The following ARHGAP32 variants were observed in gnomAD, a reference collection of about 807,000 sequenced individuals.
The protein encoded by ARHGAP32 is rho GTPase-activating protein 32.
In ARHGAP32, 51 loss-of-function variants were observed where a neutral mutation model predicts 186.5. The ratio of observed to expected loss-of-function variants is 0.27; its 90% CI spans 0.22 to 0.35. The LOEUF (loss-of-function observed/expected upper bound fraction) is 0.35. Among genes scored for constraint, ARHGAP32 ranks in the 10% least tolerant of loss-of-function variants. The pLI, the probability that ARHGAP32 is intolerant of heterozygous loss-of-function variation, is 1.00. For missense variants in ARHGAP32, 2,186 were observed against 2,623.5 expected (o/e 0.83, Z 3.64); for synonymous variants, 950 against 964.3 (o/e 0.99, Z 0.27).
rs780008945 is a variant in ARHGAP32, at chr11:128,972,438, T to C, written c.4053+15A>G. The C allele has an allele frequency of 5.0e-5, 76 of 1,509,016 alleles. No individual in the cohort carries two copies. Among genetic ancestry groups the C allele is most frequent in the Middle Eastern group, 1.8e-4 (1 of 5,582 alleles). 93.5% of individuals were successfully genotyped at this position (1,509,016 alleles called of 1,614,324 possible). On this transcript the variant is annotated intron_variant, in intron 22 of 22. Transcript: ENST00000682385. ...AATAGTATATTTCATCTCACTGATA[T>C]CTTCCCCTTCTTACCTTGTGGGAAT...
At chr11:129,110,713 CTTCTT>C (rs1383604906) in intron 5 of ARHGAP32, among the ~76,000 whole-genome samples, 3 of 151,964 alleles carry the variant, frequency 2.0e-5, no homozygotes, top group East Asian at 1.9e-4. Flanking sequence ...CGATTGCCTT[CTTCTT>C]TTCATTTTCA....
At chr11:129,210,251 A>T (rs951056997) in intron 1 of ARHGAP32, among the ~76,000 whole-genome samples, 6 of 152,336 alleles carry the variant, frequency 3.9e-5, no homozygotes, top group African/African-American at 1.4e-4. Flanking sequence ...TTCCAAAGGG[A>T]GAAGAAACCT....
chr11:128,988,378 A>G (rs2136128369), intron 12 of ARHGAP32, among the ~76,000 whole-genome samples: 1 of 152,354 alleles, frequency 6.6e-6, no homozygotes, highest in East Asian at 1.9e-4. Flanking sequence ...AAGAGAGTTC[A>G]TACATTATTA....
At chr11:129,059,999 T>A (rs190629692) in intron 10 of ARHGAP32, among the ~76,000 whole-genome samples, 46 of 152,334 alleles carry the variant, frequency 3.0e-4, no homozygotes, top group African/African-American at 9.6e-4. Flanking sequence ...CAAATCAATC[T>A]TTGAAGTTAG....
At chr11:129,278,231 C>T (rs947793015) in intron 1 of ARHGAP32, among the ~76,000 whole-genome samples, 2 of 152,252 alleles carry the variant, frequency 1.3e-5, no homozygotes, top group Non-Finnish European at 2.9e-5. Flanking sequence ...TATGGCCCAG[C>T]TGCCAGCTAG....
chr11:129,224,225 G>A (rs747326283), intron 1 of ARHGAP32, among the ~76,000 whole-genome samples: 1 of 152,114 alleles, frequency 6.6e-6, no homozygotes. Context: ...TGGAATATAT[G>A]GCAAGAGATT....
At position 129,033,523 on chromosome 11, in the gene ARHGAP32, C is replaced by T. The variant is rs114536693; in HGVS notation, c.1045+7405G>A. On this transcript the variant is annotated intron_variant, in intron 11 of 22. Coordinates refer to ENST00000682385, the MANE Select transcript of ARHGAP32 (RefSeq NM_001378024.1). Reference sequence around the variant, plus strand: ...CTCTTTACAACTCCTTTGTCAGATACGCATTCTGCAAATATCTTCCCACAC... The same window carrying T: ...CTCTTTACAACTCCTTTGTCAGATATGCATTCTGCAAATATCTTCCCACAC... Among the ~76,000 whole-genome samples, 923 of 152,302 alleles carry T rather than the reference C, an allele frequency of 6.1e-3. 3 individuals are homozygous for T. Among genetic ancestry groups the T allele is most frequent in the African/African-American group, 0.02 (849 of 41,558 alleles).
chr11:129,258,452 T>C (rs978342192), intron 1 of ARHGAP32, among the ~76,000 whole-genome samples: 3 of 152,136 alleles, frequency 2.0e-5, no homozygotes, highest in Non-Finnish European at 4.4e-5. Flanking sequence ...CAGCAGTATG[T>C]GCCTGCCACG....
At chr11:129,219,080 G>A (rs922488097) in intron 1 of ARHGAP32, among the ~76,000 whole-genome samples, 1 of 152,174 alleles carries the variant, frequency 6.6e-6, no homozygotes, top group Admixed American at 6.5e-5. Flanking sequence ...ACCAGCCATT[G>A]GGCCACATTG....
chr11:129,123,360 TTAGA>T lies in ARHGAP32; in HGVS notation c.444+82_444+85del. On this transcript the variant is annotated intron_variant, in intron 5 of 22. Coordinates refer to ENST00000682385, the MANE Select transcript of ARHGAP32 (RefSeq NM_001378024.1). The surrounding 1 kb of genome is among the most constrained non-coding windows in gnomAD (Gnocchi z 4.6). Reference sequence around the variant, plus strand: ...AAAAACTACTTCAAAGTGTCATCTATTAGATACAGATATATAGATAAGCATCTAG... The same window carrying T: ...AAAAACTACTTCAAAGTGTCATCTATTACAGATATATAGATAAGCATCTAG... 1 of 1,129,152 alleles carries T rather than the reference TTAGA, an allele frequency of 8.9e-7. No individual in the cohort carries two copies. The highest frequency in any genetic ancestry group is 1.3e-6 in the Non-Finnish European group (1 of 780,628). The allele number at this position is 1,129,152 out of a possible 1,614,324, so 69.9% of individuals were successfully genotyped here. A position where few individuals can be genotyped will look rare whatever the true frequency, so the allele number is the denominator to read the frequency against.
chr11:129,102,680 A>G (rs1941935855), intron 5 of ARHGAP32, among the ~76,000 whole-genome samples: 2 of 152,190 alleles, frequency 1.3e-5, no homozygotes, highest in South Asian at 4.1e-4. Context: ...CACATACATA[A>G]GGACACCTAT....
intron 1 of ARHGAP32, among the ~76,000 whole-genome samples, chr11:129,277,086 A>C (rs539105540): frequency 3.9e-5 from 6 of 152,368 alleles, no homozygotes; most frequent in African/African-American, 1.4e-4. Context: ...AAGAAAACAG[A>C]TGCCTAGTCC....
intron 10 of ARHGAP32, among the ~76,000 whole-genome samples, chr11:129,060,362 T>TAGATA (rs1555082375): frequency 1.3e-5 from 2 of 148,456 alleles, no homozygotes; most frequent in African/African-American, 5.0e-5. Context: ...GATAGATAGA[T>TAGATA]AGATAGATAG....
intron 2 of ARHGAP32, among the ~76,000 whole-genome samples, chr11:129,137,464 C>A (rs1020879641): frequency 1.3e-5 from 2 of 151,754 alleles, no homozygotes; most frequent in African/African-American, 2.4e-5. Flanking sequence ...TAAGTTGGTA[C>A]CTTAAGCACA....
At position 129,171,559 on chromosome 11, in the gene ARHGAP32, T is replaced by C. The variant is rs575087555; in HGVS notation, c.117-7132A>G. On this transcript the variant is annotated intron_variant, in intron 1 of 22. Transcript: ENST00000682385. ...CTGTTTTGGTACCAGTACCCTGCTGTTTTGGTTACGGTAGCGTTGTAGTAT... is the reference window on the plus strand; with the variant it reads ...CTGTTTTGGTACCAGTACCCTGCTGCTTTGGTTACGGTAGCGTTGTAGTAT... Among the ~76,000 whole-genome samples the C allele has an allele frequency of 7.9e-5, 12 of 152,350 alleles. No homozygotes were observed. The South Asian group carries it at 1.9e-3, about 24-fold the overall frequency.
chr11:129,265,777 T>C (rs1447620428), intron 1 of ARHGAP32, among the ~76,000 whole-genome samples: 2 of 152,152 alleles, frequency 1.3e-5, no homozygotes, highest in African/African-American at 4.8e-5. Context: ...ATTTCTAAAA[T>C]GTACTGCACA....
intron 1 of ARHGAP32, among the ~76,000 whole-genome samples, chr11:129,229,104 A>G (rs190013058): frequency 2.3e-4 from 35 of 152,342 alleles, no homozygotes; most frequent in Admixed American, 2.1e-3. Flanking sequence ...TGGATTTACA[A>G]AAATCTAAAC....
intron 1 of ARHGAP32, among the ~76,000 whole-genome samples, chr11:129,222,036 C>T (rs1944719154): frequency 6.6e-6 from 1 of 152,094 alleles, no homozygotes; most frequent in Admixed American, 6.6e-5. Context: ...CCAATTACTT[C>T]TGAAATATTG....
At chr11:129,067,203 G>A (rs570894182) in intron 6 of ARHGAP32, among the ~76,000 whole-genome samples, 1 of 152,048 alleles carries the variant, frequency 6.6e-6, no homozygotes, top group Middle Eastern at 3.4e-3. Context: ...CCATAGGTAG[G>A]AGAATATTAA....
Sources: gnomAD v4.1 joint callset for allele counts (sites outside exome capture counted in the v4.1 genomes callset) on GRCh38, gnomAD v4.1.1 for gene constraint, Gnocchi (gnomAD v3.1) non-coding constraint, MANE v1.5 for transcripts, NCBI Gene and HGNC (gene_info 2026-07-23, HGNC 2026-07-21) for gene names.